The following SPHKAP variants were observed in gnomAD, a reference collection of about 807,000 sequenced individuals.
SPHKAP encodes SPHK1 interactor, AKAP domain containing.
A neutral mutation model predicts 137.5 loss-of-function variants in SPHKAP; 67 were observed. The observed-to-expected ratio is 0.49, with a 90% CI of 0.40 to 0.60. SPHKAP has a LOEUF of 0.60. Ranked by LOEUF, SPHKAP falls within the 20% of genes least tolerant of loss-of-function variation. SPHKAP has a pLI of 0.00. For missense variants in SPHKAP, 2,097 were observed against 2,069.3 expected (o/e 1.01, Z -0.26); for synonymous variants, 813 against 785.3 (o/e 1.04, Z -0.59).
intron 11 of SPHKAP, among the ~76,000 whole-genome samples, chr2:227,985,762 A>C (rs1339028024): frequency 6.6e-6 from 1 of 152,180 alleles, no homozygotes; most frequent in East Asian, 1.9e-4. Flanking sequence ...TGCATTTAAT[A>C]AATTAGATTA....
At chr2:228,111,072 G>A (rs1698503445) in intron 2 of SPHKAP, among the ~76,000 whole-genome samples, 1 of 152,134 alleles carries the variant, frequency 6.6e-6, no homozygotes, top group South Asian at 2.1e-4. Context: ...AGAATTTTGA[G>A]TTAAAAAACA....
chr2:228,129,798 C>CTTT (rs1196344608), intron 2 of SPHKAP, among the ~76,000 whole-genome samples: 2 of 135,538 alleles, frequency 1.5e-5, no homozygotes, highest in African/African-American at 2.7e-5. Flanking sequence ...TAATTTTTTT[C>CTTT]TTTTTTTTTT....
intron 3 of SPHKAP, among the ~76,000 whole-genome samples, chr2:228,040,291 AAAG>A (rs1391612174): frequency 6.6e-6 from 1 of 152,180 alleles, no homozygotes; most frequent in Admixed American, 6.5e-5. Flanking sequence ...CAAAGCGTCT[AAAG>A]AAAACATTGC....
At chr2:228,154,118 T>C (rs775913384) in intron 1 of SPHKAP, among the ~76,000 whole-genome samples, 3 of 152,142 alleles carry the variant, frequency 2.0e-5, no homozygotes, top group Non-Finnish European at 2.9e-5. Context: ...ACCATCTACT[T>C]TCTCTTTTCT....
At chr2:228,105,363 TG>T (rs1350871479) in intron 3 of SPHKAP, among the ~76,000 whole-genome samples, 1 of 152,244 alleles carries the variant, frequency 6.6e-6, no homozygotes, top group Non-Finnish European at 1.5e-5. Flanking sequence ...ATGTCTCAGC[TG>T]TTGGGTTTTG....
At chr2:228,143,664 C>CTTT (rs35440451) in intron 1 of SPHKAP, among the ~76,000 whole-genome samples, 115 of 97,424 alleles carry the variant, frequency 1.2e-3, no homozygotes, top group South Asian at 7.6e-3. Flanking sequence ...AAACACCTGG[C>CTTT]TTTTTTTTTT....
intron 2 of SPHKAP, among the ~76,000 whole-genome samples, chr2:228,115,343 C>T (rs1240349035): frequency 6.6e-6 from 1 of 152,082 alleles, no homozygotes; most frequent in Middle Eastern, 3.2e-3. Flanking sequence ...TGTCTACACA[C>T]AAACTCCCTC....
chr2:228,062,339 G>A (rs1696676238), intron 3 of SPHKAP, among the ~76,000 whole-genome samples: 11 of 151,950 alleles, frequency 7.2e-5, no homozygotes, highest in Admixed American at 5.9e-4. Context: ...CAGCCAGGCT[G>A]GTCTCGAACT....
chr2:228,048,415 C>T lies in SPHKAP; in HGVS notation c.247-20872G>A, dbSNP rs535990254. Among the ~76,000 whole-genome samples the T allele has an allele frequency of 2.0e-5, 3 of 152,198 alleles. No homozygotes were observed. The South Asian group carries it at 6.2e-4, about 32-fold the overall frequency. On this transcript the variant is annotated intron_variant, in intron 3 of 11. Transcript: ENST00000392056. ...TTCCTCTTTAATCTTTCAACTCCAC[C>T]TCATCTCTCACCTACTCCCTCCTGG...
At chr2:228,157,586 G>A (rs999823583) in intron 1 of SPHKAP, among the ~76,000 whole-genome samples, 6 of 152,184 alleles carry the variant, frequency 3.9e-5, no homozygotes, top group Admixed American at 1.3e-4. Flanking sequence ...TTTAGTTGTC[G>A]TTTTTTTAAT....
At chr2:228,152,004 G>A (rs1699949338) in intron 1 of SPHKAP, among the ~76,000 whole-genome samples, 2 of 152,062 alleles carry the variant, frequency 1.3e-5, no homozygotes, top group South Asian at 4.1e-4. Context: ...GCTAGTGAAA[G>A]GGTATTTTAA....
Position 227,991,052 on chromosome 2 carries a change from A to C in SPHKAP, c.4907T>G (p.Leu1636Arg). 1 of 1,614,212 alleles carries C rather than the reference A, an allele frequency of 6.2e-7. No individual in the cohort carries two copies. Among genetic ancestry groups the C allele is most frequent in the Non-Finnish European group, 8.5e-7 (1 of 1,180,020 alleles). The change falls in exon 11 of 12, where the codon CTG becomes CGG. Residue 1636 changes from leucine to arginine, a missense_variant. Transcript: ENST00000392056. ...ATLQWIAASE[L>R]GIPTIYFKKS... Reference sequence around the variant, plus strand: ...CTTAAAGTAGATGGTGGGAATCCCCAGTTCAGAGGCAGCTATCCACTGCAG... The same window carrying C: ...CTTAAAGTAGATGGTGGGAATCCCCCGTTCAGAGGCAGCTATCCACTGCAG...
intron 3 of SPHKAP, among the ~76,000 whole-genome samples, chr2:228,108,380 T>TA (rs1698409118): frequency 6.6e-6 from 1 of 151,770 alleles, no homozygotes; most frequent in South Asian, 2.1e-4. Context: ...TGACTGTTTA[T>TA]TTTTTTAGGT....
At chr2:228,084,144 G>T (rs1449488258) in intron 3 of SPHKAP, among the ~76,000 whole-genome samples, 2 of 151,872 alleles carry the variant, frequency 1.3e-5, no homozygotes, top group East Asian at 1.9e-4. Flanking sequence ...ACTAGAGGAG[G>T]CTTCTAGAAT....
chr2:228,095,777 A>G (rs1350405795), intron 3 of SPHKAP, among the ~76,000 whole-genome samples: 2 of 152,128 alleles, frequency 1.3e-5, no homozygotes, highest in East Asian at 1.9e-4. Flanking sequence ...TATTTGTTGG[A>G]TGGAGAACTA....
intron 3 of SPHKAP, chr2:228,027,960 G>GAA (rs113514692): frequency 0.035 from 28,013 of 794,680 alleles, 1 homozygote; most frequent in Middle Eastern, 0.05. Context: ...GACTGCATCT[G>GAA]AAAAAAAAAA....
chr2:228,179,715 C>G (rs1217829781), intron 1 of SPHKAP, among the ~76,000 whole-genome samples: 1 of 152,170 alleles, frequency 6.6e-6, no homozygotes, highest in East Asian at 1.9e-4. Flanking sequence ...CTACAAGATA[C>G]AGAGCAATAT....
Position 228,021,829 on chromosome 2 carries a change from T to G in SPHKAP, c.579A>C (p.Glu193Asp). The G allele has an allele frequency of 6.2e-7, 1 of 1,614,178 alleles. No individual in the cohort carries two copies. Among genetic ancestry groups the G allele is most frequent in the Non-Finnish European group, 8.5e-7 (1 of 1,180,014 alleles). The change falls in exon 6 of 12, where the codon GAA becomes GAC. Residue 193 changes from glutamate (E) to aspartate (D), a missense_variant. Physicochemically the swap from Glu to Asp is conservative, Grantham distance 45. Coordinates refer to ENST00000392056, the MANE Select transcript of SPHKAP (RefSeq NM_001142644.2). The stretch of plus-strand genomic sequence containing the variant: ...CATCCTCCAGTTTCAAGATGTTTGT[T>G]TCCAGGTGGAGCTGTCGCTCCTGCA... ...ELVQERQLHLETNILKLEDDT... is the reference protein window; with the variant it reads ...ELVQERQLHLDTNILKLEDDT...
At chr2:227,998,695 C>T (rs1316830016) in intron 7 of SPHKAP, among the ~76,000 whole-genome samples, 1 of 152,146 alleles carries the variant, frequency 6.6e-6, no homozygotes, top group Non-Finnish European at 1.5e-5. Context: ...GATACAAAAT[C>T]CCACTCCTTG....
Sources: gnomAD v4.1 joint callset for allele counts (sites outside exome capture counted in the v4.1 genomes callset) on GRCh38, gnomAD v4.1.1 for gene constraint, MANE v1.5 for transcripts, NCBI Gene and HGNC (gene_info 2026-07-23, HGNC 2026-07-21) for gene names.